The following CPNE4 variants were observed in gnomAD, a reference collection of about 807,000 sequenced individuals.
CPNE4 encodes the protein copine-4.
CPNE4 carries 25 observed loss-of-function variants against 67.9 expected under a neutral mutation model. That is an observed-to-expected ratio of 0.37 (90% CI 0.27 to 0.51). The LOEUF (loss-of-function observed/expected upper bound fraction) is 0.51. Among genes scored for constraint, CPNE4 ranks in the 20% least tolerant of loss-of-function variants. The probability of loss-of-function intolerance (pLI) is 0.93; values close to 1 mark genes in which losing one functional copy is unlikely to be tolerated. For missense variants in CPNE4, 464 were observed against 690.8 expected, an observed-to-expected ratio of 0.67 and a Z score of 3.68; for synonymous variants, 242 against 244.9, an observed-to-expected ratio of 0.99 and a Z score of 0.11.
intron 1 of CPNE4, among the ~76,000 whole-genome samples, chr3:131,956,271 A>C (rs1057412496): frequency 6.6e-6 from 1 of 152,152 alleles, no homozygotes. Flanking sequence ...TCTGAAATAC[A>C]TATAATTACC....
chr3:131,566,432 A>G (rs751724203), intron 10 of CPNE4, among the ~76,000 whole-genome samples: 8 of 128,034 alleles, frequency 6.2e-5, no homozygotes, highest in Non-Finnish European at 1.2e-4. Context: ...ACCCACCAGG[A>G]AAAAAAAAAA....
At chr3:131,792,643 ATATGTATATATACACACGTG>A in intron 2 of CPNE4, among the ~76,000 whole-genome samples, 1 of 79,282 alleles carries the variant, frequency 1.3e-5, no homozygotes, top group South Asian at 4.0e-4. Flanking sequence ...ACACGTGTAT[ATATGTATATATACACACGTG>A]TATATATACA....
At chr3:131,576,629 G>A (rs1376653845) in intron 9 of CPNE4, among the ~76,000 whole-genome samples, 2 of 152,128 alleles carry the variant, frequency 1.3e-5, no homozygotes, top group Non-Finnish European at 2.9e-5. Flanking sequence ...TAGGAGGCAT[G>A]TTATGCCACA....
chr3:131,962,311 G>A (rs2072206209), intron 1 of CPNE4, among the ~76,000 whole-genome samples: 1 of 152,162 alleles, frequency 6.6e-6, no homozygotes, highest in Admixed American at 6.5e-5. Context: ...CTTGGAATTG[G>A]TTATGTTTCA....
At chr3:131,542,429 A>G (rs369914270) in intron 15 of CPNE4, 128 bp downstream of exon 15, 50 of 733,240 alleles carry the variant, frequency 6.8e-5, no homozygotes, top group African/African-American at 6.5e-4. Context: ...CAGCAAGGGT[A>G]TGTAGAGCAT....
chr3:131,799,497 T>A (rs542987598), intron 2 of CPNE4, among the ~76,000 whole-genome samples: 19 of 152,282 alleles, frequency 1.2e-4, no homozygotes, highest in Non-Finnish European at 2.4e-4. Context: ...TACTCTGGTG[T>A]TGTGTTTTGT....
rs77896779 is a variant in CPNE4 at position 131,723,712 on chromosome 3, T to G, written c.181-87A>C. On this transcript the variant is annotated intron_variant, in intron 2 of 15. Transcript: ENST00000429747. Reference sequence around the variant, plus strand: ...AAAATTCATCTCAGAGCACTTCCCTTCTTCCCAACCATAAATGCTCCCCAG... The same window carrying G: ...AAAATTCATCTCAGAGCACTTCCCTGCTTCCCAACCATAAATGCTCCCCAG... The G allele has an allele frequency of 5.8e-3, 7,075 of 1,218,064 alleles. 349 individuals carry two copies. In the African/African-American group the frequency reaches 0.097, roughly 17 times the overall value. 75.5% of individuals were successfully genotyped at this position (1,218,064 alleles called of 1,614,324 possible).
intron 1 of CPNE4, among the ~76,000 whole-genome samples, chr3:131,906,749 G>A (rs374841567): frequency 1.6e-4 from 24 of 151,620 alleles, no homozygotes; most frequent in Admixed American, 1.4e-3. Context: ...ATGATTTATA[G>A]TCCTTTGGGT....
intron 1 of CPNE4, among the ~76,000 whole-genome samples, chr3:131,982,861 T>C (rs2072941759): frequency 6.6e-6 from 1 of 152,040 alleles, no homozygotes. Context: ...ATATATGAAA[T>C]ACTATCTAAA....
chr3:131,848,814 A>C (rs1474797148), intron 2 of CPNE4, among the ~76,000 whole-genome samples: 2 of 152,012 alleles, frequency 1.3e-5, no homozygotes, highest in Non-Finnish European at 2.9e-5. Context: ...TTCTAAAATA[A>C]GATGCAGGTG....
intron 5 of CPNE4, among the ~76,000 whole-genome samples, chr3:131,687,137 T>C (rs1181251369): frequency 6.6e-6 from 1 of 152,224 alleles, no homozygotes; most frequent in Non-Finnish European, 1.5e-5. Context: ...CTCAGGACTC[T>C]CAAATACATG....
At chr3:131,768,901 G>A (rs1188920593) in intron 2 of CPNE4, among the ~76,000 whole-genome samples, 1 of 152,090 alleles carries the variant, frequency 6.6e-6, no homozygotes, top group African/African-American at 2.4e-5. Flanking sequence ...TAAGTTCTTT[G>A]CATCTTATAT....
At position 131,589,043 on chromosome 3, in the gene CPNE4, C is replaced by G. The variant is rs138121469; in HGVS notation, c.682-1461G>C. Among the ~76,000 whole-genome samples the G allele has an allele frequency of 1.0e-3, 152 of 152,258 alleles. 1 individual carries two copies. The highest frequency in any genetic ancestry group is 3.5e-3 in the African/African-American group (144 of 41,534). ...TACTTCCAAATTCACCGTTTATGATCCATGCTTACTGTATTAGTCACGGTT... is the reference window on the plus strand; with the variant it reads ...TACTTCCAAATTCACCGTTTATGATGCATGCTTACTGTATTAGTCACGGTT... On this transcript the variant is annotated intron_variant, in intron 7 of 15. Coordinates refer to ENST00000429747, the MANE Select transcript of CPNE4 (RefSeq NM_130808.3).
At chr3:131,608,527 A>G (rs887636352) in intron 7 of CPNE4, among the ~76,000 whole-genome samples, 3 of 152,148 alleles carry the variant, frequency 2.0e-5, no homozygotes, top group Non-Finnish European at 4.4e-5. Flanking sequence ...ATGAGAACCC[A>G]CAGTGTGCCT....
intron 2 of CPNE4, among the ~76,000 whole-genome samples, chr3:131,799,382 C>A (rs571914005): frequency 1.3e-5 from 2 of 152,100 alleles, no homozygotes; most frequent in African/African-American, 4.8e-5. Context: ...TCCTCCTTCA[C>A]GGGCCTGCAA....
At chr3:131,807,530 T>C (rs1383061535) in intron 2 of CPNE4, among the ~76,000 whole-genome samples, 1 of 152,106 alleles carries the variant, frequency 6.6e-6, no homozygotes, top group Non-Finnish European at 1.5e-5. Flanking sequence ...TCTAAAACAA[T>C]GTAGTAGTGA....
In CPNE4 at chr3:131,947,652, T is replaced by C. The variant is rs144035096; in HGVS notation, c.-1-42208A>G. 2.8e-3 allele frequency among the ~76,000 whole-genome samples: 428 copies of C among 152,348 alleles called. 3 individuals are homozygous for C. Among genetic ancestry groups the C allele is most frequent in the African/African-American group, 9.7e-3 (404 of 41,584 alleles). On this transcript the variant is annotated intron_variant, in intron 1 of 15. Coordinates refer to ENST00000429747, the MANE Select transcript of CPNE4 (RefSeq NM_130808.3). The stretch of plus-strand genomic sequence containing the variant: ...AGTCTATCATTGATGGGCATTTGGA[T>C]TGATTCCAAGTCTTTGCTATTGTAA...
chr3:131,754,214 A>G (rs2082699538), intron 2 of CPNE4, among the ~76,000 whole-genome samples: 3 of 152,198 alleles, frequency 2.0e-5, no homozygotes, highest in Admixed American at 2.0e-4. Context: ...ATATAAATCA[A>G]TGACCAGTGT....
chr3:131,814,749 C>T lies in CPNE4; in HGVS notation c.180+90515G>A, dbSNP rs574812304. 1.3e-3 allele frequency among the ~76,000 whole-genome samples: 191 copies of T among 142,810 alleles called. 3 individuals carry two copies. In the East Asian group the frequency reaches 0.029, roughly 22 times the overall value. The allele number at this position is 142,810 out of a possible 152,430, so 93.7% of individuals were successfully genotyped here. ...CCTCCCAAGTAGCTGGGACTACAGG[C>T]GCCCGCCACTACGCCCGGCTAATTT... On this transcript the variant is annotated intron_variant, in intron 2 of 15. Transcript: ENST00000429747.
Sources: allele counts gnomAD v4.1 joint callset (sites outside exome capture counted in the v4.1 genomes callset), GRCh38; gene constraint gnomAD v4.1.1; transcripts MANE v1.5; gene names NCBI Gene and HGNC (gene_info 2026-07-23, HGNC 2026-07-21).